ARHGEF39: variants seen among roughly 807,000 people sequenced by gnomAD.
ARHGEF39 encodes Rho guanine nucleotide exchange factor 39.
A neutral mutation model predicts 47.5 loss-of-function variants in ARHGEF39; 45 were observed. That is an observed-to-expected ratio of 0.95 (90% CI 0.75 to 1.22). The LOEUF is 1.22. ARHGEF39 is among the 50% of genes most tolerant of loss of function. The pLI is 0.00. For missense variants in ARHGEF39, 411 were observed against 425.3 expected (o/e 0.97, Z 0.30); for synonymous variants, 164 against 167.8 (o/e 0.98, Z 0.17).
At chr9:35,663,975 G>C in intron 4 of ARHGEF39, 33 bp downstream of exon 4, 3 of 1,595,324 alleles carry the variant, frequency 1.9e-6, no homozygotes, top group Non-Finnish European at 1.7e-6. Flanking sequence ...CAAACTAAAA[G>C]AGAGAGGCGG....
chr9:35,662,670 A>C lies in ARHGEF39; in HGVS notation c.745T>G (p.Phe249Val), dbSNP rs529252161. Residue 249 changes from phenylalanine to valine, a missense_variant, in exon 7 of 9, where the codon TTC (phenylalanine) becomes GTC (valine). Coordinates refer to ENST00000378387, the MANE Select transcript of ARHGEF39 (RefSeq NM_032818.3). ...ATGAGGAGCACATCAGTGAAGAGGA[A>C]GAACATGCGGGGCCGAGGCTCCCCA... ...PHGEPRPRMFFLFTDVLLMAK... is the reference protein window; with the variant it reads ...PHGEPRPRMFVLFTDVLLMAK... 71 of 1,606,312 alleles carry C rather than the reference A, an allele frequency of 4.4e-5. No individual in the cohort carries two copies. The Admixed American group carries it at 1.2e-3, about 28-fold the overall frequency.
intron 3 of ARHGEF39, 52 bp from the exon 4 acceptor site, chr9:35,664,178 T>C (rs1216228890): frequency 1.3e-6 from 2 of 1,567,950 alleles, no homozygotes; most frequent in East Asian, 2.2e-5. Context: ...ACTCCTTATA[T>C]TGCATTCATC....
Position 35,662,950 on chromosome 9 carries a change from G to C in ARHGEF39, c.669C>G (p.Thr223=). The change falls in exon 6 of 9, where the codon ACC becomes ACG. Residue 223 remains threonine (T), a synonymous_variant. Coordinates refer to ENST00000378387, the MANE Select transcript of ARHGEF39 (RefSeq NM_032818.3). ...LLSGRQAKGL[T]SGRWFLRQGW... ...AAGGGGAAGTAGGCAAGCTACCTGA[G>C]GTCAGCCCCTTTGCCTGGCGTCCAC... The C allele has an allele frequency of 6.2e-7, 1 of 1,605,266 alleles. No individual in the cohort carries two copies. Among genetic ancestry groups the C allele is most frequent in the Non-Finnish European group, 8.5e-7 (1 of 1,172,762 alleles).
intron 7 of ARHGEF39, 119 bp downstream of exon 7, chr9:35,662,393 T>A: frequency 7.3e-7 from 1 of 1,378,230 alleles, no homozygotes; most frequent in Non-Finnish European, 1.0e-6. Flanking sequence ...GAGCCCCAGC[T>A]ATCCTCTCTC....
chr9:35,660,536 C>T lies in ARHGEF39; in HGVS notation c.*1451G>A. On this transcript the variant is annotated 3_prime_UTR_variant, in exon 9 of 9. Transcript: ENST00000378387. ...AGAAGATACATAACCACTTCTGCCC[C>T]CTTTTTTCCCTTATCCCCAGAGCAA... The T allele has an allele frequency of 6.2e-7, 1 of 1,614,064 alleles. No homozygotes were observed. Among genetic ancestry groups the T allele is most frequent in the Non-Finnish European group, 8.5e-7 (1 of 1,179,952 alleles).
Position 35,660,708 on chromosome 9 carries a change from G to C in ARHGEF39, c.*1279C>G, listed in dbSNP as rs1823879836. 4 of 1,613,666 alleles carry C rather than the reference G, an allele frequency of 2.5e-6. No homozygotes were observed. Among genetic ancestry groups the C allele is most frequent in the Non-Finnish European group, 3.4e-6 (4 of 1,179,652 alleles). On this transcript the variant is annotated 3_prime_UTR_variant, in exon 9 of 9. Coordinates refer to ENST00000378387, the MANE Select transcript of ARHGEF39 (RefSeq NM_032818.3). The stretch of plus-strand genomic sequence containing the variant: ...ATTTGTGGCAGGAGGGAGGAATGGG[G>C]ACATAGGTTGGGAGCCACTGAGTGG...
rs757681889 is a variant in ARHGEF39, at chr9:35,660,783, A to T, written c.*1204T>A. ...GGCTGGAGCCCAGCAGGAGCTTCTG[A>T]ACATGAAGCTATGGACCATCCACGA... is the stretch of plus-strand genomic sequence containing the variant. On this transcript the variant is annotated 3_prime_UTR_variant, in exon 9 of 9. Transcript: ENST00000378387. The T allele has an allele frequency of 1.9e-6, 3 of 1,614,118 alleles. No individual in the cohort carries two copies. The East Asian group carries it at 6.7e-5, about 36-fold the overall frequency.
Position 35,664,068 on chromosome 9 carries a change from G to C in ARHGEF39, c.413C>G (p.Pro138Arg). 4 of 1,614,124 alleles carry C rather than the reference G, an allele frequency of 2.5e-6. No individual in the cohort carries two copies. Among genetic ancestry groups the C allele is most frequent in the Non-Finnish European group, 3.4e-6 (4 of 1,179,986 alleles). Residue 138 changes from proline to arginine, a missense_variant, in exon 4 of 9, where the codon CCT (proline) becomes CGT (arginine). Pro to Arg is a moderately radical substitution (Grantham distance 103). Transcript: ENST00000378387. ...CTGGAGCTGAAGGCCCCCAAACTCA[G>C]GGCGGCCTTCCTGAAGCCGTACAAA... ...RRFVRLQEGR[P>R]EFGGLQLQDL...
rs779989203 is a variant in ARHGEF39 at position 35,665,050 on chromosome 9, C to T, written c.120G>A (p.Gln40=). 18 of 1,565,042 alleles carry T rather than the reference C, an allele frequency of 1.2e-5. No individual in the cohort carries two copies. The South Asian group carries it at 2.1e-4, about 18-fold the overall frequency. The part of the protein sequence containing the change: ...LLETERRYQE[Q]LGLVATYFLG... Reference sequence around the variant, plus strand: ...CCCCCACCGTGGCCACCAGCCCCAGCTGTTCTTGGTAGCGCCGCTCGGTCT... The same window carrying T: ...CCCCCACCGTGGCCACCAGCCCCAGTTGTTCTTGGTAGCGCCGCTCGGTCT... Residue 40 remains glutamine (Q), a synonymous_variant, in exon 1 of 9, where the codon CAG becomes CAA. Transcript: ENST00000378387.
rs745436976 is a variant in ARHGEF39, at chr9:35,664,118, T to C, written c.363A>G (p.Leu121=). 1 of 1,613,936 alleles carries C rather than the reference T, an allele frequency of 6.2e-7. No homozygotes were observed. Among genetic ancestry groups the C allele is most frequent in the Non-Finnish European group, 8.5e-7 (1 of 1,179,822 alleles). The change falls in exon 4 of 9, where the codon CTA becomes CTG. Residue 121 remains leucine (L), a synonymous_variant. Coordinates refer to ENST00000378387, the MANE Select transcript of ARHGEF39 (RefSeq NM_032818.3). ...ERSQTTLQEQ[L]KKNKGFRRFV... Reference sequence around the variant, plus strand: ...ACCTCCGGAAACCTTTATTTTTCTTTAGCTGCTCCTGGAGTGAGGGAGAAA... The same window carrying C: ...ACCTCCGGAAACCTTTATTTTTCTTCAGCTGCTCCTGGAGTGAGGGAGAAA...
rs369305081 is a variant in ARHGEF39 at position 35,661,430 on chromosome 9, G to C, written c.*557C>G. ...TCTCATAGCAAAACTGAGACAGAAG[G>C]GTCTTTCCCAAAAAAAAGAAAAAAA... On this transcript the variant is annotated 3_prime_UTR_variant, in exon 9 of 9. Coordinates refer to ENST00000378387, the MANE Select transcript of ARHGEF39 (RefSeq NM_032818.3). The C allele has an allele frequency of 1.3e-4, 57 of 451,036 alleles. No individual in the cohort carries two copies. The highest frequency in any genetic ancestry group is 2.0e-4 in the Non-Finnish European group (52 of 257,138). 27.9% of individuals were successfully genotyped at this position (451,036 alleles called of 1,614,324 possible).
chr9:35,659,460 GAGTT>G lies in ARHGEF39; in HGVS notation c.*2523_*2526del. The stretch of plus-strand genomic sequence containing the variant: ...ATGTAGCAGGAGGTCTTATGAAAGA[GAGTT>G]AGGCATTCCAGTTGACTGAGTTCAC... On this transcript the variant is annotated 3_prime_UTR_variant, in exon 9 of 9. Coordinates refer to ENST00000378387, the MANE Select transcript of ARHGEF39 (RefSeq NM_032818.3). 6.6e-6 allele frequency: 1 copy of G among 152,340 alleles called. No individual in the cohort carries two copies. The highest frequency in any genetic ancestry group is 2.1e-4 in the South Asian group (1 of 4,830). The allele number at this position is 152,340 out of a possible 1,614,324, so 9.4% of individuals were successfully genotyped here. A position where few individuals can be genotyped will look rare whatever the true frequency, so the allele number is the denominator to read the frequency against.
rs753884562 is a variant in ARHGEF39 at position 35,663,436 on chromosome 9, C to T, written c.474-44G>A. ...AAGTCTGAGGGGAAGCAGAGCCAGG[C>T]AGAATTCCCCCTGCCTGATGTGCAG... is the stretch of plus-strand genomic sequence containing the variant. On this transcript the variant is annotated intron_variant, in intron 4 of 8. Coordinates refer to ENST00000378387, the MANE Select transcript of ARHGEF39 (RefSeq NM_032818.3). 5 of 1,538,526 alleles carry T rather than the reference C, an allele frequency of 3.2e-6. No individual in the cohort carries two copies. The South Asian group carries it at 5.6e-5, about 17-fold the overall frequency.
intron 5 of ARHGEF39, 43 bp from the exon 6 acceptor site, chr9:35,663,117 T>G (rs1330297046): frequency 6.2e-7 from 1 of 1,607,782 alleles, no homozygotes; most frequent in African/African-American, 1.3e-5. Context: ...CAACTTTGAC[T>G]TTGGGTGCCA....
intron 7 of ARHGEF39, 83 bp from the exon 8 acceptor site, chr9:35,662,350 TCAGGGATGAGA>T: frequency 6.8e-7 from 1 of 1,459,892 alleles, no homozygotes; most frequent in Middle Eastern, 1.8e-4. Context: ...TGGAGCTAAT[TCAGGGATGAGA>T]CAATGACTAG....
In ARHGEF39 at chr9:35,663,195, G is replaced by A. The variant is rs771246825; in HGVS notation, c.545-121C>T. The A allele has an allele frequency of 1.5e-5, 23 of 1,563,048 alleles. No homozygotes were observed. The South Asian group carries it at 2.3e-4, about 16-fold the overall frequency. Reference sequence around the variant, plus strand: ...TCTGACTTCTTGAAGAAAAGGCAGAGCAGTAGGGACACTGTATACATGTCA... The same window carrying A: ...TCTGACTTCTTGAAGAAAAGGCAGAACAGTAGGGACACTGTATACATGTCA... On this transcript the variant is annotated intron_variant, in intron 5 of 8. Transcript: ENST00000378387.
At position 35,663,026 on chromosome 9, in the gene ARHGEF39, C is replaced by G. The variant is rs1406259432; in HGVS notation, c.593G>C (p.Gly198Ala). ...SETAQRVHTI[G>A]QKQKNDQHLR... Reference sequence around the variant, plus strand: ...GTGCTGGTCATTCTTCTGTTTCTGACCAATAGTATGGACTCTCTGGGCAGT... The same window carrying G: ...GTGCTGGTCATTCTTCTGTTTCTGAGCAATAGTATGGACTCTCTGGGCAGT... Residue 198 changes from glycine (G) to alanine (A), a missense_variant, in exon 6 of 9, where the codon GGT becomes GCT. Gly to Ala is a moderately conservative substitution (Grantham distance 60, BLOSUM62 0). Transcript: ENST00000378387. The G allele has an allele frequency of 6.2e-7, 1 of 1,611,622 alleles. No individual in the cohort carries two copies. The highest frequency in any genetic ancestry group is 1.1e-5 in the South Asian group (1 of 91,002).
In ARHGEF39 at chr9:35,660,480, T is replaced by C; in HGVS notation, c.*1507A>G. The stretch of plus-strand genomic sequence containing the variant: ...CAGTCAGGTGGGTTTAGCAGAAGTC[T>C]GTGCTGGGTCGGGGGAGTTTAGGGG... On this transcript the variant is annotated 3_prime_UTR_variant, in exon 9 of 9. Transcript: ENST00000378387. 2 of 1,613,244 alleles carry C rather than the reference T, an allele frequency of 1.2e-6. No individual in the cohort carries two copies. Among genetic ancestry groups the C allele is most frequent in the Middle Eastern group, 1.7e-4 (1 of 6,036 alleles).
Position 35,660,892 on chromosome 9 carries a change from G to A in ARHGEF39, c.*1095C>T, listed in dbSNP as rs1281978612. ...TCGGGAGGCGAGTCTGCTGGAGGTG[G>A]AGACAAAGTCTCTGAAACTGGAACA... On this transcript the variant is annotated 3_prime_UTR_variant, in exon 9 of 9. Transcript: ENST00000378387. 1.2e-6 allele frequency: 2 copies of A among 1,614,160 alleles called. No homozygotes were observed. Among genetic ancestry groups the A allele is most frequent in the African/African-American group, 1.3e-5 (1 of 75,054 alleles).
Sources: allele counts gnomAD v4.1 joint callset, GRCh38; gene constraint gnomAD v4.1.1; transcripts MANE v1.5; gene names NCBI Gene and HGNC (gene_info 2026-07-23, HGNC 2026-07-21).